Variants in DCT observed in about 807,000 individuals in gnomAD.
DCT encodes dopachrome tautomerase.
Under a neutral mutation model 53.0 loss-of-function variants are expected in DCT, and 47 were observed. The ratio of observed to expected loss-of-function variants is 0.89; its 90% CI spans 0.70 to 1.13. The LOEUF (loss-of-function observed/expected upper bound fraction) is 1.13, where lower values mean the gene tolerates loss of function less well. Among genes scored for constraint, DCT ranks in the 50% most tolerant of loss-of-function variants. DCT has a pLI of 0.00. For missense variants in DCT, 669 were observed against 637.4 expected (o/e 1.05, Z -0.53); for synonymous variants, 244 against 237.0 (o/e 1.03, Z -0.27).
intron 6 of DCT, among the ~76,000 whole-genome samples, chr13:94,444,858 C>G (rs1191393970): frequency 1.3e-5 from 2 of 152,196 alleles, no homozygotes; most frequent in Non-Finnish European, 2.9e-5. Flanking sequence ...GTATCTATGT[C>G]CCCTAACAAG....
At chr13:94,495,472 C>G in the DCT span, among the ~76,000 whole-genome samples, 1 of 152,126 alleles carries the variant, frequency 6.6e-6, no homozygotes, top group South Asian at 2.1e-4. Flanking sequence ...ACTTCTACTC[C>G]CAAAAGCAGA....
At chr13:94,522,501 T>TAC in the DCT span, among the ~76,000 whole-genome samples, 3 of 150,394 alleles carry the variant, frequency 2.0e-5, no homozygotes, top group African/African-American at 7.5e-5. Context: ...AATTCCCCTT[T>TAC]ATATATATAT....
At position 94,437,313 on chromosome 13, in the gene DCT, AAAC is replaced by A. The variant is rs1321560123; in HGVS notation, c.*2582_*2584del. The stretch of plus-strand genomic sequence containing the variant: ...CTCAAAAGACAAACAATAATCTGCA[AAAC>A]AACATTTATTTTTAGTTTCCTTTTT... On this transcript the variant is annotated 3_prime_UTR_variant, in exon 8 of 8. Transcript: ENST00000377028. The A allele has an allele frequency of 6.6e-6, 1 of 152,240 alleles. No individual in the cohort carries two copies. Among genetic ancestry groups the A allele is most frequent in the Non-Finnish European group, 1.5e-5 (1 of 68,042 alleles). 9.4% of individuals were successfully genotyped at this position (152,240 alleles called of 1,614,324 possible). A position where few individuals can be genotyped will look rare whatever the true frequency, so the allele number is the denominator to read the frequency against.
the DCT span, among the ~76,000 whole-genome samples, chr13:94,509,317 T>C: frequency 0.074 from 11,279 of 152,164 alleles, 875 homozygotes; most frequent in African/African-American, 0.2. Context: ...GTATAAATCC[T>C]GGGTCCCCAT....
At chr13:94,445,116 G>A (rs1324056261) in intron 6 of DCT, among the ~76,000 whole-genome samples, 2 of 152,198 alleles carry the variant, frequency 1.3e-5, no homozygotes, top group Admixed American at 6.5e-5. Context: ...AATAAACAGT[G>A]TCTAGGGATA....
At chr13:94,544,768 T>A in the DCT span, among the ~76,000 whole-genome samples, 1 of 151,328 alleles carries the variant, frequency 6.6e-6, no homozygotes, top group Non-Finnish European at 1.5e-5. Context: ...TGACAAATAG[T>A]ATAACAAAAG....
chr13:94,448,668 T>C (rs1161743483), intron 6 of DCT, among the ~76,000 whole-genome samples: 4 of 152,164 alleles, frequency 2.6e-5, no homozygotes, highest in African/African-American at 4.8e-5. Flanking sequence ...TTTGTGAGAC[T>C]GAGGTGGGAG....
At chr13:94,443,857 A>G (rs2296498) in intron 6 of DCT, among the ~76,000 whole-genome samples, 21,238 of 152,138 alleles carry the variant, frequency 0.14, 1,604 homozygotes, top group South Asian at 0.19. Context: ...GGGAAGAAAA[A>G]CAGTTAAGTT....
At chr13:94,536,233 T>C in the DCT span, among the ~76,000 whole-genome samples, 7 of 152,198 alleles carry the variant, frequency 4.6e-5, no homozygotes, top group Non-Finnish European at 8.8e-5. Flanking sequence ...GGATGCCATG[T>C]ACCAAAAGGC....
the DCT span, among the ~76,000 whole-genome samples, chr13:94,533,628 T>C: frequency 1.3e-5 from 2 of 152,152 alleles, no homozygotes; most frequent in East Asian, 3.9e-4. Flanking sequence ...CTACTAAAAA[T>C]TAAAAAATCA....
At chr13:94,510,570 A>T in the DCT span, among the ~76,000 whole-genome samples, 10 of 152,230 alleles carry the variant, frequency 6.6e-5, no homozygotes. Flanking sequence ...TAAATATATT[A>T]TTCAAATTAA....
At chr13:94,507,177 C>T in the DCT span, among the ~76,000 whole-genome samples, 12 of 152,138 alleles carry the variant, frequency 7.9e-5, no homozygotes, top group East Asian at 7.7e-4. Context: ...ATAAGATCTC[C>T]GAATGAGTAA....
At chr13:94,496,054 C>T in the DCT span, among the ~76,000 whole-genome samples, 1 of 152,152 alleles carries the variant, frequency 6.6e-6, no homozygotes, top group Non-Finnish European at 1.5e-5. Flanking sequence ...TCAGTATTCA[C>T]TTATTGTCAA....
intron 7 of DCT, among the ~76,000 whole-genome samples, chr13:94,441,140 T>C (rs149687759): frequency 6.6e-6 from 1 of 152,308 alleles, no homozygotes; most frequent in Admixed American, 6.5e-5. Context: ...TGCAATCCCA[T>C]GGGAGGTCCT....
intron 4 of DCT, among the ~76,000 whole-genome samples, chr13:94,463,285 CT>C (rs34241046): frequency 0.28 from 36,734 of 131,206 alleles, 4,617 homozygotes; most frequent in Non-Finnish European, 0.31. Context: ...TACTGGCTAA[CT>C]TTTTTTTTTT....
At chr13:94,532,568 T>C in the DCT span, among the ~76,000 whole-genome samples, 1 of 152,034 alleles carries the variant, frequency 6.6e-6, no homozygotes, top group African/African-American at 2.4e-5. Flanking sequence ...TTCTCACTCA[T>C]AGGTGGGAGT....
At chr13:94,488,359 A>G in the DCT span, among the ~76,000 whole-genome samples, 1 of 152,070 alleles carries the variant, frequency 6.6e-6, no homozygotes, top group Non-Finnish European at 1.5e-5. Context: ...TTTAGTACTA[A>G]TGGATCTACC....
At chr13:94,469,335 C>T (rs1247608708) in intron 1 of DCT, among the ~76,000 whole-genome samples, 1 of 152,078 alleles carries the variant, frequency 6.6e-6, no homozygotes, top group East Asian at 1.9e-4. Context: ...CAGTATACCT[C>T]GTATGTGACT....
the DCT span, among the ~76,000 whole-genome samples, chr13:94,545,746 G>A: frequency 6.6e-6 from 1 of 151,920 alleles, no homozygotes; most frequent in African/African-American, 2.4e-5. Context: ...CTCACATGGT[G>A]GTCTTCCTTC....
Sources: allele counts gnomAD v4.1 joint callset (sites outside exome capture counted in the v4.1 genomes callset), GRCh38; gene constraint gnomAD v4.1.1; transcripts MANE v1.5; gene names NCBI Gene and HGNC (gene_info 2026-07-23, HGNC 2026-07-21).